SPECC1L: variants seen among roughly 807,000 people sequenced by gnomAD.
SPECC1L encodes cytospin-A.
SPECC1L carries 40 observed loss-of-function variants against 116.8 expected under a neutral mutation model. The observed-to-expected ratio is 0.34, with a 90% CI of 0.27 to 0.45. The LOEUF (loss-of-function observed/expected upper bound fraction) is 0.45, where lower values mean the gene tolerates loss of function less well. SPECC1L is among the 20% of genes least tolerant of loss of function. SPECC1L has a pLI of 1.00. For missense variants in SPECC1L, 1,110 were observed against 1,373.6 expected (o/e 0.81, Z 3.03); for synonymous variants, 504 against 500.6 (o/e 1.01, Z -0.09).
intron 12 of SPECC1L, among the ~76,000 whole-genome samples, chr22:24,364,108 C>T (rs1160491269): frequency 6.6e-6 from 1 of 152,086 alleles, no homozygotes; most frequent in Non-Finnish European, 1.5e-5. Context: ...TGTGACTTGT[C>T]ACTGTGCTCA....
At chr22:24,345,248 T>A (rs1455342171) in intron 10 of SPECC1L, among the ~76,000 whole-genome samples, 6 of 152,088 alleles carry the variant, frequency 3.9e-5, no homozygotes, top group Non-Finnish European at 7.4e-5. Flanking sequence ...CTGAAATGAC[T>A]AGATAACTGT....
intron 14 of SPECC1L, among the ~76,000 whole-genome samples, chr22:24,381,980 T>C (rs542223989): frequency 3.2e-4 from 48 of 152,116 alleles, no homozygotes; most frequent in Non-Finnish European, 5.9e-4. Context: ...GAAATAAAAA[T>C]AGTTTCTATT....
chr22:24,370,236 CA>C (rs980097083), intron 14 of SPECC1L, among the ~76,000 whole-genome samples: 2 of 152,210 alleles, frequency 1.3e-5, no homozygotes, highest in Non-Finnish European at 2.9e-5. Context: ...TGATGATCCT[CA>C]ACTCATTTAA....
intron 4 of SPECC1L, among the ~76,000 whole-genome samples, chr22:24,317,066 T>G (rs1248236651): frequency 5.3e-5 from 4 of 74,972 alleles, no homozygotes; most frequent in Non-Finnish European, 8.3e-5. Context: ...CCGGAGGGGG[T>G]GGCTGGCCGG....
chr22:24,330,924 C>A (rs1003958805), intron 8 of SPECC1L, among the ~76,000 whole-genome samples: 3 of 152,144 alleles, frequency 2.0e-5, no homozygotes, highest in African/African-American at 7.2e-5. Context: ...ATAATGCCTG[C>A]CAAGTGCTCA....
At chr22:24,326,460 G>A (rs1365822247) in intron 6 of SPECC1L, among the ~76,000 whole-genome samples, 3 of 152,152 alleles carry the variant, frequency 2.0e-5, no homozygotes, top group South Asian at 2.1e-4. Flanking sequence ...CATTAGACTC[G>A]TCTACTCAGC....
chr22:24,363,750 T>A (rs1246065722), intron 12 of SPECC1L, among the ~76,000 whole-genome samples: 1 of 152,162 alleles, frequency 6.6e-6, no homozygotes, highest in Non-Finnish European at 1.5e-5. Context: ...GACATAATTA[T>A]AAAATTATGC....
chr22:24,382,143 G>A (rs1284790160), intron 14 of SPECC1L, among the ~76,000 whole-genome samples: 1 of 152,138 alleles, frequency 6.6e-6, no homozygotes, highest in Non-Finnish European at 1.5e-5. Flanking sequence ...AAATATCTTT[G>A]AAGGCATTGG....
chr22:24,304,794 C>A (rs1226169006), intron 3 of SPECC1L, among the ~76,000 whole-genome samples: 1 of 152,200 alleles, frequency 6.6e-6, no homozygotes, highest in East Asian at 1.9e-4. Flanking sequence ...GAACAATCCT[C>A]CTCGGAAACT....
At chr22:24,289,712 T>TA (rs147195343) in intron 2 of SPECC1L, among the ~76,000 whole-genome samples, 8 of 151,652 alleles carry the variant, frequency 5.3e-5, no homozygotes, top group South Asian at 2.1e-4. Flanking sequence ...TTTTTTTTTT[T>TA]AGCATCCTAT....
intron 2 of SPECC1L, among the ~76,000 whole-genome samples, chr22:24,298,737 C>T (rs1189373870): frequency 1.3e-5 from 2 of 152,320 alleles, no homozygotes; most frequent in African/African-American, 4.8e-5. Flanking sequence ...CTTACTTAGC[C>T]TTTTTGTTTT....
In SPECC1L at chr22:24,276,821, A is replaced by C; in HGVS notation, c.-38+18A>C. On this transcript the variant is annotated intron_variant, in intron 2 of 16. Coordinates refer to ENST00000314328, the MANE Select transcript of SPECC1L (RefSeq NM_015330.6). The stretch of plus-strand genomic sequence containing the variant: ...CAATCACAGTGAGACCTTTTCTCCC[A>C]ATAAATGCCCCTTTTCTCTCCTTAA... 1 of 451,238 alleles carries C rather than the reference A, an allele frequency of 2.2e-6. No homozygotes were observed. The highest frequency in any genetic ancestry group is 1.6e-5 in the South Asian group (1 of 63,866). The allele number at this position is 451,238 out of a possible 1,614,324, so 28.0% of individuals were successfully genotyped here.
intron 13 of SPECC1L, among the ~76,000 whole-genome samples, chr22:24,366,834 G>C (rs1010627137): frequency 1.3e-5 from 2 of 152,170 alleles, no homozygotes; most frequent in Non-Finnish European, 2.9e-5. Context: ...GGGAAAAACA[G>C]ATGTCAAAAA....
At position 24,416,937 on chromosome 22, in the gene SPECC1L, T is replaced by G. The variant is rs1442022614; in HGVS notation, c.*2314T>G. The G allele has an allele frequency of 2.6e-5, 4 of 152,328 alleles. No homozygotes were observed. The highest frequency in any genetic ancestry group is 9.6e-5 in the African/African-American group (4 of 41,474). 9.4% of individuals were successfully genotyped at this position (152,328 alleles called of 1,614,324 possible). ...CTTGGGGAAGGTTTGCGTGCAGAGC[T>G]GCAAGGGAGAGGGTTCCAGAAGCAT... On this transcript the variant is annotated 3_prime_UTR_variant, in exon 17 of 17. Transcript: ENST00000314328.
Position 24,321,614 on chromosome 22 carries a change from C to T in SPECC1L, c.634C>T (p.Gln212Ter), listed in dbSNP as rs2040725001. Residue 212 changes from glutamine to a stop codon, truncating the protein, a stop_gained, in exon 5 of 17, where the codon CAG becomes TAG. Transcript: ENST00000314328. LOFTEE classifies it high-confidence loss of function. ...AAATGAACTGCGAGACATGCGTGCC[C>T]AGCTGGGCATTAATGAGGATCATTC... ...LRNELRDMRA[Q>*]LGINEDHSEG... 6.2e-7 allele frequency: 1 copy of T among 1,614,074 alleles called. No homozygotes were observed. Among genetic ancestry groups the T allele is most frequent in the African/African-American group, 1.3e-5 (1 of 74,922 alleles).
rs5760390 is a variant in SPECC1L, at chr22:24,388,973, C to T, written c.3087+19653C>T. 0.01 allele frequency among the ~76,000 whole-genome samples: 1,575 copies of T among 152,226 alleles called. 75 individuals are homozygous for T. In the South Asian group the frequency reaches 0.12, roughly 11 times the overall value. On this transcript the variant is annotated intron_variant, in intron 14 of 16. Coordinates refer to ENST00000314328, the MANE Select transcript of SPECC1L (RefSeq NM_015330.6). ...CCACCTCACAGCCCTAGGCAGCCACCATGGGTTTGCCTGTCCCAGACATTT... is the reference window on the plus strand; with the variant it reads ...CCACCTCACAGCCCTAGGCAGCCACTATGGGTTTGCCTGTCCCAGACATTT...
At chr22:24,406,624 G>A (rs952824363) in intron 14 of SPECC1L, among the ~76,000 whole-genome samples, 3 of 152,142 alleles carry the variant, frequency 2.0e-5, no homozygotes, top group Non-Finnish European at 2.9e-5. Flanking sequence ...CTGGGTGCTG[G>A]TCACACCTGC....
chr22:24,274,130 T>C (rs1210921757), intron 1 of SPECC1L, among the ~76,000 whole-genome samples: 1 of 152,252 alleles, frequency 6.6e-6, no homozygotes, highest in East Asian at 1.9e-4. Context: ...TTGGAATTGT[T>C]AGTACTGAAT....
At chr22:24,330,161 G>A in intron 7 of SPECC1L, 95 bp from the exon 8 acceptor site, 2 of 1,232,170 alleles carry the variant, frequency 1.6e-6, no homozygotes, top group South Asian at 2.5e-5. Context: ...AAGCATTAGT[G>A]CATTATAGCA....
Sources: gnomAD v4.1 joint callset for allele counts (sites outside exome capture counted in the v4.1 genomes callset) on GRCh38, gnomAD v4.1.1 for gene constraint, MANE v1.5 for transcripts, NCBI Gene and HGNC (gene_info 2026-07-23, HGNC 2026-07-21) for gene names.